The following SBNO1 variants were observed in gnomAD, a reference collection of about 807,000 sequenced individuals.
The protein encoded by SBNO1 is strawberry notch homolog 1, also known as protein strawberry notch homolog 1.
A neutral mutation model predicts 173.6 loss-of-function variants in SBNO1; 23 were observed. The ratio of observed to expected loss-of-function variants is 0.13; its 90% CI spans 0.10 to 0.19. The LOEUF is 0.19. Among genes scored for constraint, SBNO1 ranks in the 10% least tolerant of loss-of-function variants. SBNO1 has a pLI of 1.00. For missense variants in SBNO1, 1,238 were observed against 1,671.2 expected (o/e 0.74, Z 4.52); for synonymous variants, 632 against 571.5 (o/e 1.11, Z -1.51).
At chr12:123,315,728 T>C in intron 21 of SBNO1, 68 bp from the exon 22 acceptor site, 1 of 857,740 alleles carries the variant, frequency 1.2e-6, no homozygotes, top group Admixed American at 1.8e-5. Flanking sequence ...CTGAGATGTA[T>C]TCCTAGCATT....
At chr12:123,336,295 G>T in intron 6 of SBNO1, 100 bp downstream of exon 6, 1 of 811,552 alleles carries the variant, frequency 1.2e-6, no homozygotes, top group Non-Finnish European at 2.0e-6. Flanking sequence ...TTGACCTAAA[G>T]CAAGATTCTA....
intron 20 of SBNO1, among the ~76,000 whole-genome samples, chr12:123,318,276 C>A (rs1485912216): frequency 6.6e-6 from 1 of 152,138 alleles, no homozygotes; most frequent in Non-Finnish European, 1.5e-5. Context: ...CTTGTCTCTA[C>A]TAAAAATTCA....
At chr12:123,347,429 T>A (rs11611141) in intron 3 of SBNO1, among the ~76,000 whole-genome samples, 134,793 of 151,756 alleles carry the variant, frequency 0.89, 59,994 homozygotes, top group Middle Eastern at 0.95. Flanking sequence ...GGTTTCACCA[T>A]GTTAACCAGG....
rs1217447577 is a variant in SBNO1, at chr12:123,294,624, C to T, written c.*1284G>A. ...CAATCTCGATTTTTCAATAGTGCAA[C>T]CTGTGGAAGCAAAAAAAAAAAAAAA... On this transcript the variant is annotated 3_prime_UTR_variant, in exon 32 of 32. Coordinates refer to ENST00000602398, the MANE Select transcript of SBNO1 (RefSeq NM_001167856.3). 3 of 92,716 alleles carry T rather than the reference C, an allele frequency of 3.2e-5. No homozygotes were observed. The highest frequency in any genetic ancestry group is 1.5e-4 in the African/African-American group (3 of 19,586). The allele number at this position is 92,716 out of a possible 1,614,324, so 5.7% of individuals were successfully genotyped here.
intron 25 of SBNO1, among the ~76,000 whole-genome samples, chr12:123,310,078 T>G (rs190025175): frequency 6.6e-6 from 1 of 152,294 alleles, no homozygotes; most frequent in East Asian, 1.9e-4. Context: ...TTTTGCATCT[T>G]CAGCCTCACT....
At chr12:123,333,685 A>G (rs1259444543) in intron 7 of SBNO1, among the ~76,000 whole-genome samples, 1 of 151,922 alleles carries the variant, frequency 6.6e-6, no homozygotes, top group Non-Finnish European at 1.5e-5. Flanking sequence ...TTTCGTAGAC[A>G]TGATGTTTCA....
At chr12:123,311,712 CTATCTATCTATATATATATA>C (rs1293611816) in intron 24 of SBNO1, among the ~76,000 whole-genome samples, 1 of 69,068 alleles carries the variant, frequency 1.4e-5, no homozygotes, top group African/African-American at 5.6e-5. Context: ...ATCTATCTAT[CTATCTATCTATATATATATA>C]TATATATATA....
At chr12:123,332,278 G>C (rs1234659017) in intron 7 of SBNO1, among the ~76,000 whole-genome samples, 1 of 152,054 alleles carries the variant, frequency 6.6e-6, no homozygotes, top group Non-Finnish European at 1.5e-5. Flanking sequence ...GAATCAAACA[G>C]GTTTTTGTTT....
rs937960940 is a variant in SBNO1 at position 123,290,045 on chromosome 12, A to G, written c.*5863T>C. 6.6e-6 allele frequency: 1 copy of G among 152,248 alleles called. No homozygotes were observed. The highest frequency in any genetic ancestry group is 1.5e-5 in the Non-Finnish European group (1 of 68,068). 9.4% of individuals were successfully genotyped at this position (152,248 alleles called of 1,614,324 possible). On this transcript the variant is annotated 3_prime_UTR_variant, in exon 32 of 32. Coordinates refer to ENST00000602398, the MANE Select transcript of SBNO1 (RefSeq NM_001167856.3). ...GGACGCCTGAATTACAAGTATCAAA[A>G]AGAACCCGCCTTTTTGGGCTTCTTC...
chr12:123,310,036 G>C (rs185120471), intron 25 of SBNO1, among the ~76,000 whole-genome samples, 180 bp from the exon 26 acceptor site: 2 of 152,186 alleles, frequency 1.3e-5, no homozygotes, highest in Admixed American at 1.3e-4. Flanking sequence ...ACCACTGCAG[G>C]ACACGCTCAA....
intron 28 of SBNO1, among the ~76,000 whole-genome samples, chr12:123,307,341 A>G (rs1268066868): frequency 1.3e-5 from 2 of 152,140 alleles, no homozygotes; most frequent in Non-Finnish European, 2.9e-5. Flanking sequence ...TTAAGAAGGA[A>G]TGAAGGAAGG....
chr12:123,331,966 T>C lies in SBNO1; in HGVS notation c.910-591A>G, dbSNP rs138796819. ...ATTCCTGTTCAAGCTATTCTCCTGC[T>C]TCAGCCTCCCGAGTAGCTGGGATTA... On this transcript the variant is annotated intron_variant, in intron 7 of 31. Coordinates refer to ENST00000602398, the MANE Select transcript of SBNO1 (RefSeq NM_001167856.3). Among the ~76,000 whole-genome samples the C allele has an allele frequency of 7.9e-3, 1,201 of 151,516 alleles. 7 individuals carry two copies. Among genetic ancestry groups the C allele is most frequent in the Non-Finnish European group, 0.011 (749 of 67,828 alleles).
rs2048534287 is a variant in SBNO1 at position 123,292,986 on chromosome 12, A to C, written c.*2922T>G. The C allele has an allele frequency of 6.6e-6, 1 of 152,230 alleles. No individual in the cohort carries two copies. The highest frequency in any genetic ancestry group is 2.4e-5 in the African/African-American group (1 of 41,456). The allele number at this position is 152,230 out of a possible 1,614,324, so 9.4% of individuals were successfully genotyped here. On this transcript the variant is annotated 3_prime_UTR_variant, in exon 32 of 32. Coordinates refer to ENST00000602398, the MANE Select transcript of SBNO1 (RefSeq NM_001167856.3). ...AAATGAGGGGAACACTAATTCCCCC[A>C]GAGATAACATCTGAGCTGCTTTAGA...
intron 1 of SBNO1, among the ~76,000 whole-genome samples, chr12:123,351,728 G>T (rs1873906529): frequency 6.6e-6 from 1 of 152,284 alleles, no homozygotes; most frequent in South Asian, 2.1e-4. Flanking sequence ...TGACATAGCT[G>T]ACCAGGAGAG....
intron 4 of SBNO1, 133 bp from the exon 5 acceptor site, chr12:123,341,221 C>T (rs906423564): frequency 2.5e-5 from 14 of 563,140 alleles, no homozygotes; most frequent in African/African-American, 2.1e-4. Context: ...GACACCAAGG[C>T]GGGTGAATTA....
chr12:123,364,560 G>T, intron 1 of SBNO1, 141 bp downstream of exon 1: 3 of 983,940 alleles, frequency 3.0e-6, no homozygotes, highest in Non-Finnish European at 3.6e-6. Context: ...GCGAGGAGCG[G>T]CAAGCGGCGA....
chr12:123,364,207 C>T, intron 1 of SBNO1: 18 of 985,652 alleles, frequency 1.8e-5, no homozygotes, highest in Non-Finnish European at 2.2e-5. Flanking sequence ...TTAGGAAGGA[C>T]GACCGCGTCG....
chr12:123,336,627 A>G, intron 5 of SBNO1, 136 bp from the exon 6 acceptor site: 1 of 606,824 alleles, frequency 1.6e-6, no homozygotes, highest in South Asian at 2.1e-5. Flanking sequence ...ATACTCCCTA[A>G]AATCTGGGCC....
chr12:123,315,394 G>A lies in SBNO1; in HGVS notation c.3099C>T (p.Ser1033=), dbSNP rs1869151776. 1 of 1,612,466 alleles carries A rather than the reference G, an allele frequency of 6.2e-7. No individual in the cohort carries two copies. The highest frequency in any genetic ancestry group is 2.2e-5 in the East Asian group (1 of 44,854). ...GTACCTTATTATCAAAGTTGAACCT[G>A]CTCAGATCTCTAGATTCTGTTGCCC... is the stretch of plus-strand genomic sequence containing the variant. The part of the protein sequence containing the change: ...DRRATESRDL[S]RFNFDNKYGR... Residue 1033 remains serine, a synonymous_variant, in exon 23 of 32, where the codon AGC becomes AGT. Coordinates refer to ENST00000602398, the MANE Select transcript of SBNO1 (RefSeq NM_001167856.3).
Sources: allele counts gnomAD v4.1 joint callset (sites outside exome capture counted in the v4.1 genomes callset), GRCh38; gene constraint gnomAD v4.1.1; transcripts MANE v1.5; gene names NCBI Gene and HGNC (gene_info 2026-07-23, HGNC 2026-07-21).